The following OTUD7A variants were observed in gnomAD, a reference collection of about 807,000 sequenced individuals.
The protein encoded by OTUD7A is OTU deubiquitinase 7A.
In OTUD7A, 12 loss-of-function variants were observed where a neutral mutation model predicts 65.7. That is an observed-to-expected ratio of 0.18 (90% CI 0.12 to 0.30). OTUD7A has a LOEUF of 0.30. Among genes scored for constraint, OTUD7A ranks in the 10% least tolerant of loss-of-function variants. The pLI, the probability that OTUD7A is intolerant of heterozygous loss-of-function variation, is 1.00. For missense variants in OTUD7A, 1,148 were observed against 1,304.8 expected, an observed-to-expected ratio of 0.88 and a Z score of 1.85; for synonymous variants, 641 against 586.3, an observed-to-expected ratio of 1.09 and a Z score of -1.35.
chr15:31,775,089 TAC>T (rs3046535), intron 1 of OTUD7A, among the ~76,000 whole-genome samples: 76,264 of 147,744 alleles, frequency 0.52, 19,711 homozygotes, highest in South Asian at 0.62. Context: ...TCCATGCATT[TAC>T]ACACACACAC....
At chr15:31,803,383 T>C (rs371449755) in intron 1 of OTUD7A, among the ~76,000 whole-genome samples, 1 of 152,190 alleles carries the variant, frequency 6.6e-6, no homozygotes, top group African/African-American at 2.4e-5. Context: ...TCCTTAAAGA[T>C]TGTATATTTT....
chr15:31,670,719 C>T (rs755791854), intron 1 of OTUD7A, among the ~76,000 whole-genome samples: 4 of 151,978 alleles, frequency 2.6e-5, no homozygotes, highest in Admixed American at 6.6e-5. Context: ...CGGCCGGGCG[C>T]GGTGGCTCAC....
chr15:31,695,917 T>C (rs1368075255), intron 1 of OTUD7A, among the ~76,000 whole-genome samples: 19 of 151,618 alleles, frequency 1.3e-4, no homozygotes, highest in African/African-American at 3.6e-4. Context: ...TAGGCAGGCA[T>C]TGCTAACTTC....
At chr15:31,787,813 G>A (rs1406840078) in intron 1 of OTUD7A, 1 of 152,154 alleles carries the variant, frequency 6.6e-6, no homozygotes, top group Non-Finnish European at 1.5e-5. Flanking sequence ...AGTTCTTTAG[G>A]CAACAGTTCA....
chr15:31,824,688 C>T (rs941257772), intron 1 of OTUD7A, among the ~76,000 whole-genome samples: 31 of 152,216 alleles, frequency 2.0e-4, no homozygotes, highest in Non-Finnish European at 4.3e-4. Flanking sequence ...GCCAAAGACT[C>T]TCCTAAGTTA....
At chr15:31,755,423 CA>C (rs543185958) in intron 1 of OTUD7A, among the ~76,000 whole-genome samples, 190 of 152,188 alleles carry the variant, frequency 1.2e-3, no homozygotes, top group African/African-American at 4.5e-3. Flanking sequence ...AGTCCTTAAA[CA>C]AAAGTGCTAG....
Position 31,623,037 on chromosome 15 carries a change from C to T in OTUD7A, c.151+32059G>A, listed in dbSNP as rs548073181. On this transcript the variant is annotated intron_variant, in intron 3 of 12. Transcript: ENST00000307050. ...AGTTTGCTGGAGGTCCACTCCAGAACCTGTTTGCCTGGGTATCAGCAGCAG... is the reference window on the plus strand; with the variant it reads ...AGTTTGCTGGAGGTCCACTCCAGAATCTGTTTGCCTGGGTATCAGCAGCAG... 3.9e-5 allele frequency among the ~76,000 whole-genome samples: 6 copies of T among 152,338 alleles called. No individual in the cohort carries two copies. In the South Asian group the frequency reaches 6.2e-4, roughly 16 times the overall value.
chr15:31,848,149 T>C (rs571511237), intron 1 of OTUD7A, among the ~76,000 whole-genome samples: 1 of 152,162 alleles, frequency 6.6e-6, no homozygotes, highest in African/African-American at 2.4e-5. Flanking sequence ...GGCAGGCTCA[T>C]GGCTTACAGG....
chr15:31,650,055 T>G (rs1566960364), intron 3 of OTUD7A, among the ~76,000 whole-genome samples: 1 of 118,244 alleles, frequency 8.5e-6, no homozygotes, highest in Admixed American at 8.2e-5. Context: ...TTTTTTCTTT[T>G]TCTTCTAAAA....
intron 1 of OTUD7A, among the ~76,000 whole-genome samples, chr15:31,759,708 T>A (rs144273351): frequency 6.6e-6 from 1 of 152,232 alleles, no homozygotes; most frequent in South Asian, 2.1e-4. Context: ...ATCTTTTGTA[T>A]AGTAGTGCAG....
chr15:31,821,721 T>C (rs1384847690), intron 1 of OTUD7A, among the ~76,000 whole-genome samples: 1 of 152,226 alleles, frequency 6.6e-6, no homozygotes, highest in Non-Finnish European at 1.5e-5. Context: ...TATCATTTTA[T>C]ATTCCCACCA....
chr15:31,794,436 T>G (rs1895897010), intron 1 of OTUD7A, among the ~76,000 whole-genome samples: 1 of 129,448 alleles, frequency 7.7e-6, no homozygotes, highest in African/African-American at 2.9e-5. Flanking sequence ...AATGATACAT[T>G]CAAATATTCA....
At chr15:31,656,800 T>C (rs1888756090) in intron 2 of OTUD7A, among the ~76,000 whole-genome samples, 183 bp downstream of exon 2, 1 of 151,982 alleles carries the variant, frequency 6.6e-6, no homozygotes, top group African/African-American at 2.4e-5. Context: ...TGAGCCCTCC[T>C]GATTTTCTGT....
At chr15:31,525,498 C>G (rs533622916) in intron 8 of OTUD7A, among the ~76,000 whole-genome samples, 1 of 152,382 alleles carries the variant, frequency 6.6e-6, no homozygotes, top group Non-Finnish European at 1.5e-5. Context: ...CCATGAGGCA[C>G]TAGGCCCTGC....
At chr15:31,559,463 A>G (rs150713837) in intron 4 of OTUD7A, among the ~76,000 whole-genome samples, 24 of 152,236 alleles carry the variant, frequency 1.6e-4, no homozygotes, top group East Asian at 3.9e-4. Context: ...ATACATGTGC[A>G]TACACATACT....
chr15:31,753,681 TGTG>T (rs1567004694), intron 1 of OTUD7A, among the ~76,000 whole-genome samples: 39 of 79,432 alleles, frequency 4.9e-4, no homozygotes, highest in African/African-American at 2.0e-3. Flanking sequence ...ATATATAACC[TGTG>T]AGATATATAT....
At chr15:31,783,517 C>G (rs1188408257) in intron 1 of OTUD7A, among the ~76,000 whole-genome samples, 1 of 152,192 alleles carries the variant, frequency 6.6e-6, no homozygotes, top group African/African-American at 2.4e-5. Context: ...CTCAAACTTA[C>G]AAAAGCCAAA....
chr15:31,789,744 C>T lies in OTUD7A; in HGVS notation c.-100+80763G>A, dbSNP rs558968434. 6.2e-5 allele frequency among the ~76,000 whole-genome samples: 9 copies of T among 146,104 alleles called. No homozygotes were observed. The South Asian group carries it at 2.0e-3, about 32-fold the overall frequency. On this transcript the variant is annotated intron_variant, in intron 1 of 12. Transcript: ENST00000307050. ...TTTTTTTGAGACCGAGTTTCACTCT[C>T]GTCCAGGCTAGAGTGCAATGTCGCG...
intron 4 of OTUD7A, among the ~76,000 whole-genome samples, chr15:31,561,163 A>G (rs2141160828): frequency 6.6e-6 from 1 of 152,346 alleles, no homozygotes; most frequent in South Asian, 2.1e-4. Context: ...CAGAAAGGTA[A>G]AAAGAGAAGT....
Sources: gnomAD v4.1 joint callset for allele counts (sites outside exome capture counted in the v4.1 genomes callset) on GRCh38, gnomAD v4.1.1 for gene constraint, MANE v1.5 for transcripts, NCBI Gene and HGNC (gene_info 2026-07-23, HGNC 2026-07-21) for gene names.